The following RPS6KC1 variants were observed in gnomAD, a reference collection of about 807,000 sequenced individuals.
The protein encoded by RPS6KC1 is ribosomal protein S6 kinase C1.
RPS6KC1 carries 54 observed loss-of-function variants against 103.8 expected under a neutral mutation model. The ratio of observed to expected loss-of-function variants is 0.52; its 90% CI spans 0.42 to 0.65. The LOEUF (loss-of-function observed/expected upper bound fraction) is 0.65, where lower values mean the gene tolerates loss of function less well. Among genes scored for constraint, RPS6KC1 ranks in the 30% least tolerant of loss-of-function variants. The pLI, the probability that RPS6KC1 is intolerant of heterozygous loss-of-function variation, is 0.00. For synonymous variants in RPS6KC1, 439 were observed against 438.7 expected, an observed-to-expected ratio of 1.00 and a Z score of -0.01; for missense variants, 1,151 against 1,253.8, an observed-to-expected ratio of 0.92 and a Z score of 1.24.
intron 3 of RPS6KC1, among the ~76,000 whole-genome samples, chr1:213,078,182 G>T (rs956465823): frequency 1.4e-5 from 2 of 146,528 alleles, no homozygotes; most frequent in Non-Finnish European, 3.0e-5. Context: ...TGAATGGTGT[G>T]GTTTTCTAGT....
chr1:213,838,875 A>G, the RPS6KC1 span, among the ~76,000 whole-genome samples: 1 of 152,218 alleles, frequency 6.6e-6, no homozygotes, highest in East Asian at 1.9e-4. Flanking sequence ...TCAAAATTCT[A>G]TGTTTAAAAC....
chr1:213,460,162 T>A, the RPS6KC1 span, among the ~76,000 whole-genome samples: 1 of 152,210 alleles, frequency 6.6e-6, no homozygotes, highest in Admixed American at 6.5e-5. Context: ...CTTGTTGATC[T>A]AATATTGACA....
At chr1:213,552,329 T>C in the RPS6KC1 span, among the ~76,000 whole-genome samples, 19 of 152,208 alleles carry the variant, frequency 1.2e-4, no homozygotes, top group African/African-American at 4.6e-4. Context: ...ATTTTGCATT[T>C]CCACCAGCAA....
the RPS6KC1 span, among the ~76,000 whole-genome samples, chr1:213,569,041 C>T: frequency 1.9e-4 from 29 of 152,184 alleles, no homozygotes; most frequent in African/African-American, 6.5e-4. Context: ...TCCCTTCCCC[C>T]CTCCCCAGTG....
At chr1:213,325,490 T>A in the RPS6KC1 span, among the ~76,000 whole-genome samples, 1 of 152,240 alleles carries the variant, frequency 6.6e-6, no homozygotes, top group Non-Finnish European at 1.5e-5. Flanking sequence ...CAGCAGGCAG[T>A]AGGGTACGCG....
the RPS6KC1 span, among the ~76,000 whole-genome samples, chr1:213,851,166 C>G: frequency 1.3e-5 from 2 of 152,150 alleles, no homozygotes; most frequent in African/African-American, 4.8e-5. Flanking sequence ...TTCCTAAAAT[C>G]TATGACTAAT....
At chr1:213,251,675 C>G (rs1263523754) in intron 12 of RPS6KC1, among the ~76,000 whole-genome samples, 3 of 152,182 alleles carry the variant, frequency 2.0e-5, no homozygotes, top group Non-Finnish European at 4.4e-5. Flanking sequence ...TGCAAAAGGA[C>G]TTGATGTAGA....
chr1:213,151,709 G>A (rs1411441825), intron 6 of RPS6KC1, among the ~76,000 whole-genome samples: 19 of 116,054 alleles, frequency 1.6e-4, no homozygotes, highest in Admixed American at 5.5e-4. Context: ...CGGACGGGGC[G>A]GCTGGCCGGG....
the RPS6KC1 span, among the ~76,000 whole-genome samples, chr1:213,326,327 AT>A: frequency 6.6e-6 from 1 of 152,252 alleles, no homozygotes; most frequent in Non-Finnish European, 1.5e-5. Context: ...TTCTACATGC[AT>A]TTTGAACAAG....
chr1:213,178,402 A>G (rs904209046), intron 8 of RPS6KC1, among the ~76,000 whole-genome samples: 13 of 151,710 alleles, frequency 8.6e-5, no homozygotes, highest in Admixed American at 6.6e-4. Flanking sequence ...TTACCTGGGC[A>G]TGGTGGCACA....
the RPS6KC1 span, among the ~76,000 whole-genome samples, chr1:213,309,430 A>T: frequency 6.6e-6 from 1 of 152,236 alleles, no homozygotes; most frequent in Non-Finnish European, 1.5e-5. Context: ...CCAAGTATTT[A>T]AAAAAATGGT....
intron 2 of RPS6KC1, among the ~76,000 whole-genome samples, chr1:213,074,703 T>TG (rs1006270630): frequency 6.6e-6 from 1 of 152,058 alleles, no homozygotes; most frequent in South Asian, 2.1e-4. Context: ...GATTCTCACC[T>TG]GGGGGGTTCT....
chr1:213,796,590 C>T, the RPS6KC1 span, among the ~76,000 whole-genome samples: 1 of 152,064 alleles, frequency 6.6e-6, no homozygotes, highest in Admixed American at 6.6e-5. Context: ...TTTGGCCCCA[C>T]GAGCCTGAAA....
chr1:213,634,276 A>C, the RPS6KC1 span, among the ~76,000 whole-genome samples: 20 of 152,332 alleles, frequency 1.3e-4, no homozygotes, highest in African/African-American at 3.6e-4. Context: ...CAGAACATAC[A>C]TTCTTCTCAG....
chr1:213,694,235 G>T, the RPS6KC1 span, among the ~76,000 whole-genome samples: 1 of 152,180 alleles, frequency 6.6e-6, no homozygotes, highest in African/African-American at 2.4e-5. Flanking sequence ...ACTCTGAAAG[G>T]CTTCAAGCTA....
intron 4 of RPS6KC1, among the ~76,000 whole-genome samples, chr1:213,114,280 C>A (rs2083336947): frequency 6.8e-6 from 1 of 146,454 alleles, no homozygotes; most frequent in Non-Finnish European, 1.5e-5. Context: ...CTTCACATCC[C>A]TTGTAAGTTG....
chr1:213,178,675 T>A (rs923464380), intron 8 of RPS6KC1, among the ~76,000 whole-genome samples: 1 of 152,072 alleles, frequency 6.6e-6, no homozygotes, highest in Non-Finnish European at 1.5e-5. Context: ...ACTTACTCTG[T>A]TTAGCTGGGA....
Position 213,128,441 on chromosome 1 carries a change from A to G in RPS6KC1, c.473-1086A>G, listed in dbSNP as rs145970183. Among the ~76,000 whole-genome samples the G allele has an allele frequency of 3.5e-3, 540 of 152,322 alleles. 4 individuals are homozygous for G. Among genetic ancestry groups the G allele is most frequent in the African/African-American group, 0.012 (506 of 41,576 alleles). ...TTCACAGATACAATTCACATGAACAAAAGCTTTTTAGAGTCCACAATCATT... is the reference window on the plus strand; with the variant it reads ...TTCACAGATACAATTCACATGAACAGAAGCTTTTTAGAGTCCACAATCATT... On this transcript the variant is annotated intron_variant, in intron 5 of 14. Transcript: ENST00000366960.
chr1:213,638,108 T>C, the RPS6KC1 span, among the ~76,000 whole-genome samples: 2 of 152,188 alleles, frequency 1.3e-5, no homozygotes, highest in South Asian at 2.1e-4. Flanking sequence ...TGTGAGCCAC[T>C]GTTCCTGGCC....
Sources: allele counts gnomAD v4.1 joint callset (sites outside exome capture counted in the v4.1 genomes callset), GRCh38; gene constraint gnomAD v4.1.1; transcripts MANE v1.5; gene names NCBI Gene and HGNC (gene_info 2026-07-23, HGNC 2026-07-21).